The following MCHR2 variants were observed in gnomAD, a reference collection of about 807,000 sequenced individuals.
The protein encoded by MCHR2 is melanin concentrating hormone receptor 2.
MCHR2 carries 15 observed loss-of-function variants against 24.8 expected under a neutral mutation model. That is an observed-to-expected ratio of 0.60 (90% confidence interval 0.40 to 0.93). The LOEUF is 0.93. Among genes scored for constraint, MCHR2 ranks in the 40% least tolerant of loss-of-function variants. The pLI, the probability that MCHR2 is intolerant of heterozygous loss-of-function variation, is 0.00. For missense variants in MCHR2, 386 were observed against 408.7 expected, an observed-to-expected ratio of 0.94 and a Z score of 0.48; for synonymous variants, 151 against 147.6, an observed-to-expected ratio of 1.02 and a Z score of -0.17.
chr6:99,946,543 A>ACATTCATT (rs528441368), intron 3 of MCHR2, among the ~76,000 whole-genome samples: 10 of 152,092 alleles, frequency 6.6e-5, no homozygotes, highest in African/African-American at 1.9e-4. Flanking sequence ...ACCCTTCAAG[A>ACATTCATT]CATTCATTCA....
intron 1 of MCHR2, among the ~76,000 whole-genome samples, chr6:99,958,295 A>T (rs1775107619): frequency 6.6e-6 from 1 of 152,090 alleles, no homozygotes; most frequent in Admixed American, 6.6e-5. Flanking sequence ...GGAAAAACCA[A>T]TCTCACCTAT....
At chr6:99,932,777 A>G (rs1450306956) in intron 5 of MCHR2, among the ~76,000 whole-genome samples, 2 of 152,178 alleles carry the variant, frequency 1.3e-5, no homozygotes, top group African/African-American at 4.8e-5. Flanking sequence ...GGACACTGGG[A>G]AGACATGATA....
chr6:99,985,806 A>G (rs1775758124), intron 1 of MCHR2, among the ~76,000 whole-genome samples: 1 of 152,156 alleles, frequency 6.6e-6, no homozygotes, highest in Non-Finnish European at 1.5e-5. Flanking sequence ...AAATACAACA[A>G]AAACAATAGG....
intron 1 of MCHR2, among the ~76,000 whole-genome samples, chr6:99,990,197 C>T (rs1349038110): frequency 1.3e-5 from 2 of 152,188 alleles, no homozygotes; most frequent in Non-Finnish European, 2.9e-5. Context: ...CAGTGTTTTG[C>T]AACCTTACAT....
intron 1 of MCHR2, among the ~76,000 whole-genome samples, chr6:99,991,111 G>C (rs930043133): frequency 5.9e-5 from 9 of 151,892 alleles, no homozygotes; most frequent in African/African-American, 2.2e-4. Context: ...AACAGTTTGG[G>C]GTCAGAGGAG....
At chr6:99,931,805 C>G (rs960372995) in intron 5 of MCHR2, among the ~76,000 whole-genome samples, 1 of 152,200 alleles carries the variant, frequency 6.6e-6, no homozygotes, top group East Asian at 1.9e-4. Flanking sequence ...GAGGCAATGC[C>G]TTGCCCTGCT....
chr6:99,975,002 T>G (rs1775518327), intron 1 of MCHR2, among the ~76,000 whole-genome samples: 1 of 152,190 alleles, frequency 6.6e-6, no homozygotes. Context: ...TGCCTCCCAG[T>G]TAGGCTGCTC....
chr6:99,928,565 G>A (rs1260985657), intron 5 of MCHR2, among the ~76,000 whole-genome samples: 2 of 152,112 alleles, frequency 1.3e-5, no homozygotes, highest in African/African-American at 2.4e-5. Flanking sequence ...TTTAGTCTTG[G>A]GAGGGTGTAT....
chr6:99,925,239 G>T (rs1774325099), intron 5 of MCHR2, among the ~76,000 whole-genome samples: 1 of 151,580 alleles, frequency 6.6e-6, no homozygotes. Flanking sequence ...GGTTTCCATT[G>T]GTATGGTGTA....
At chr6:99,926,729 G>A (rs1410567737) in intron 5 of MCHR2, among the ~76,000 whole-genome samples, 1 of 152,148 alleles carries the variant, frequency 6.6e-6, no homozygotes, top group Admixed American at 6.5e-5. Flanking sequence ...GTAGATTCTG[G>A]ATATCAGCCC....
chr6:99,948,043 C>A (rs1774905918), intron 2 of MCHR2, 72 bp from the exon 3 acceptor site: 1 of 1,314,550 alleles, frequency 7.6e-7, no homozygotes, highest in Non-Finnish European at 1.1e-6. Flanking sequence ...CTACCTCATA[C>A]AAATTTTTAA....
At chr6:99,980,311 A>G (rs1775640648) in intron 1 of MCHR2, among the ~76,000 whole-genome samples, 1 of 152,136 alleles carries the variant, frequency 6.6e-6, no homozygotes, top group Admixed American at 6.5e-5. Context: ...GACTAAGCTC[A>G]CTTTAAGGAA....
At chr6:99,924,193 A>G (rs1336903339) in intron 5 of MCHR2, among the ~76,000 whole-genome samples, 1 of 152,070 alleles carries the variant, frequency 6.6e-6, no homozygotes, top group Non-Finnish European at 1.5e-5. Flanking sequence ...ATTTAATGGC[A>G]TACAGTTGCT....
intron 3 of MCHR2, among the ~76,000 whole-genome samples, chr6:99,944,492 C>T (rs948939732): frequency 1.3e-5 from 2 of 152,134 alleles, no homozygotes; most frequent in African/African-American, 2.4e-5. Context: ...TGTCCTCTTG[C>T]GCTTTCAATT....
At chr6:99,930,724 C>G (rs1030054341) in intron 5 of MCHR2, among the ~76,000 whole-genome samples, 4 of 152,230 alleles carry the variant, frequency 2.6e-5, no homozygotes, top group African/African-American at 9.6e-5. Flanking sequence ...ATTGGTTATT[C>G]TAGTTATGCA....
At chr6:99,928,825 G>T (rs1450678915) in intron 5 of MCHR2, among the ~76,000 whole-genome samples, 2 of 152,176 alleles carry the variant, frequency 1.3e-5, no homozygotes, top group East Asian at 3.9e-4. Flanking sequence ...GGTTTTTTGT[G>T]TCTCTATTTC....
chr6:99,952,088 G>A (rs1031676417), intron 2 of MCHR2, among the ~76,000 whole-genome samples: 3 of 152,086 alleles, frequency 2.0e-5, no homozygotes, highest in African/African-American at 7.2e-5. Context: ...GATTCCCAGG[G>A]CCTGCTGTGC....
intron 1 of MCHR2, among the ~76,000 whole-genome samples, chr6:99,969,182 A>G (rs931811262): frequency 6.6e-6 from 1 of 152,268 alleles, no homozygotes; most frequent in East Asian, 1.9e-4. Context: ...AACGTAATTT[A>G]GAAAACTCGA....
At position 99,942,475 on chromosome 6, in the gene MCHR2, G is replaced by T. The variant is rs532526526; in HGVS notation, c.587+474C>A. Among the ~76,000 whole-genome samples the T allele has an allele frequency of 2.6e-5, 4 of 152,238 alleles. No homozygotes were observed. In the South Asian group the frequency reaches 8.3e-4, roughly 32 times the overall value. ...CATTGGGCCCACCCTAATCCAGCAT[G>T]ACCTTAACTTAGCTTGATTACATCT... On this transcript the variant is annotated intron_variant, in intron 4 of 5. Coordinates refer to ENST00000281806, the MANE Select transcript of MCHR2 (RefSeq NM_001040179.2).
Sources: allele counts gnomAD v4.1 joint callset (sites outside exome capture counted in the v4.1 genomes callset), GRCh38; gene constraint gnomAD v4.1.1; transcripts MANE v1.5; gene names NCBI Gene and HGNC (gene_info 2026-07-23, HGNC 2026-07-21).